The following FUCA2 variants were observed in gnomAD, a reference collection of about 807,000 sequenced individuals.
FUCA2 encodes alpha-L-fucosidase 2, also known as plasma alpha-L-fucosidase.
FUCA2 carries 41 observed loss-of-function variants against 52.6 expected under a neutral mutation model. That is an observed-to-expected ratio of 0.78 (90% CI 0.61 to 1.01). The LOEUF is 1.01. Ranked by LOEUF, FUCA2 falls within the 50% of genes least tolerant of loss-of-function variation. The pLI, the probability that FUCA2 is intolerant of heterozygous loss-of-function variation, is 0.00. For synonymous variants in FUCA2, 211 were observed against 217.3 expected, an observed-to-expected ratio of 0.97 and a Z score of 0.26; for missense variants, 507 against 569.5, an observed-to-expected ratio of 0.89 and a Z score of 1.12.
Position 143,502,643 on chromosome 6 carries a change from G to A in FUCA2, c.753-78C>T. The A allele has an allele frequency of 8.1e-7, 1 of 1,235,336 alleles. No homozygotes were observed. The highest frequency in any genetic ancestry group is 1.1e-6 in the Non-Finnish European group (1 of 872,480). The allele number at this position is 1,235,336 out of a possible 1,614,324, so 76.5% of individuals were successfully genotyped here. A position where few individuals can be genotyped will look rare whatever the true frequency, so the allele number is the denominator to read the frequency against. Reference sequence around the variant, plus strand: ...AAAAGAAATGTCACTGAAAAGACATGTAATTGAAATACAATTCTGAAAAGG... The same window carrying A: ...AAAAGAAATGTCACTGAAAAGACATATAATTGAAATACAATTCTGAAAAGG... On this transcript the variant is annotated intron_variant, in intron 3 of 6. Transcript: ENST00000002165. The surrounding 1 kb of genome is among the most constrained non-coding windows in gnomAD (Gnocchi z 4.1).
chr6:143,506,533 G>A (rs1463030708), intron 2 of FUCA2: 1 of 152,032 alleles, frequency 6.6e-6, no homozygotes, highest in Non-Finnish European at 1.5e-5. Context: ...TCATGCAAAA[G>A]AAACTAATGA....
At position 143,502,891 on chromosome 6, in the gene FUCA2, T is replaced by C. The variant is rs1584027614; in HGVS notation, c.753-326A>G. ...AGCACTCATAAGAGTATTATATGAA[T>C]ATTTTAAGCTCCCTTCCATATTGTA... On this transcript the variant is annotated intron_variant, in intron 3 of 6. Transcript: ENST00000002165. This position sits in a 1 kb window ranked among gnomAD's most constrained non-coding sequence, Gnocchi z 4.1. 5.1e-6 allele frequency: 1 copy of C among 194,768 alleles called. No individual in the cohort carries two copies. Among genetic ancestry groups the C allele is most frequent in the East Asian group, 1.2e-4 (1 of 8,180 alleles). 12.1% of individuals were successfully genotyped at this position (194,768 alleles called of 1,614,324 possible). A position where few individuals can be genotyped will look rare whatever the true frequency, so the allele number is the denominator to read the frequency against.
rs1229612296 is a variant in FUCA2, at chr6:143,501,815, C to G, written c.1154+117G>C. 2 of 849,788 alleles carry G rather than the reference C, an allele frequency of 2.4e-6. No individual in the cohort carries two copies. Among genetic ancestry groups the G allele is most frequent in the Non-Finnish European group, 3.5e-6 (2 of 566,308 alleles). The allele number at this position is 849,788 out of a possible 1,614,324, so 52.6% of individuals were successfully genotyped here. ...TAGAGTAAGCAAAGTTTGGAAAGTG[C>G]TTTGTATATGTAGGAATTCATCCAA... On this transcript the variant is annotated intron_variant, in intron 5 of 6. Coordinates refer to ENST00000002165, the MANE Select transcript of FUCA2 (RefSeq NM_032020.5). This position sits in a 1 kb window ranked among gnomAD's most constrained non-coding sequence, Gnocchi z 6.1.
chr6:143,504,235 A>AC lies in FUCA2; in HGVS notation c.429dup (p.Ser144ValfsTer12). On this transcript the variant is annotated frameshift_variant, in exon 3 of 7. Coordinates refer to ENST00000002165, the MANE Select transcript of FUCA2 (RefSeq NM_032020.5). LOFTEE classifies it high-confidence loss of function. This position sits in a 1 kb window ranked among gnomAD's most constrained non-coding sequence, Gnocchi z 4.4. Reference sequence around the variant, plus strand: ...GCATTCCAGTTCCACGAATATTCTGACCCCCACAAGGTAAAGCCTAGAAAA... The same window carrying AC: ...GCATTCCAGTTCCACGAATATTCTGACCCCCCACAAGGTAAAGCCTAGAAAA... 6.2e-7 allele frequency: 1 copy of AC among 1,613,186 alleles called. No individual in the cohort carries two copies.
Position 143,502,647 on chromosome 6 carries a change from T to C in FUCA2, c.753-82A>G, listed in dbSNP as rs937194978. ...GAAATGTCACTGAAAAGACATGTAATTGAAATACAATTCTGAAAAGGGACC... is the reference window on the plus strand; with the variant it reads ...GAAATGTCACTGAAAAGACATGTAACTGAAATACAATTCTGAAAAGGGACC... On this transcript the variant is annotated intron_variant, in intron 3 of 6. Coordinates refer to ENST00000002165, the MANE Select transcript of FUCA2 (RefSeq NM_032020.5). The surrounding 1 kb of genome is among the most constrained non-coding windows in gnomAD (Gnocchi z 4.1). The C allele has an allele frequency of 1.5e-5, 18 of 1,206,536 alleles. No homozygotes were observed. The highest frequency in any genetic ancestry group is 2.1e-5 in the Non-Finnish European group (18 of 849,800). The allele number at this position is 1,206,536 out of a possible 1,614,324, so 74.7% of individuals were successfully genotyped here.
At chr6:143,496,589 CA>C (rs1780463545) in intron 6 of FUCA2, 1 of 152,092 alleles carries the variant, frequency 6.6e-6, no homozygotes, top group Non-Finnish European at 1.5e-5. Flanking sequence ...AGTTCACCTC[CA>C]AAGGGATAAT....
rs1271041296 is a variant in FUCA2, at chr6:143,509,095, T to G, written c.225-1671A>C. ...GGACATTCAGAAAGTTGAACAAGAA[T>G]AAGGAATTTCTCCTAGCATCATCTA... is the stretch of plus-strand genomic sequence containing the variant. On this transcript the variant is annotated intron_variant, in intron 1 of 6. Transcript: ENST00000002165. This position sits in a 1 kb window ranked among gnomAD's most constrained non-coding sequence, Gnocchi z 5.4. 5.3e-5 allele frequency among the ~76,000 whole-genome samples: 8 copies of G among 152,132 alleles called. No homozygotes were observed. Among genetic ancestry groups the G allele is most frequent in the Non-Finnish European group, 1.2e-4 (8 of 68,000 alleles).
rs755472386 is a variant in FUCA2 at position 143,501,909 on chromosome 6, A to G, written c.1154+23T>C. 6.3e-7 allele frequency: 1 copy of G among 1,586,730 alleles called. No individual in the cohort carries two copies. The highest frequency in any genetic ancestry group is 8.6e-7 in the Non-Finnish European group (1 of 1,161,276). On this transcript the variant is annotated intron_variant, in intron 5 of 6. Transcript: ENST00000002165. The surrounding 1 kb of genome is among the most constrained non-coding windows in gnomAD (Gnocchi z 6.1). ...TAAATCTCTTCCTTTATAAAAGAGT[A>G]CTTGGTAACAAGAATGACTTACCAC...
In FUCA2 at chr6:143,507,228, T is replaced by A. The variant is rs79981077; in HGVS notation, c.412+9A>T. The A allele has an allele frequency of 6.4e-7, 1 of 1,571,250 alleles. No individual in the cohort carries two copies. ...TTGTCAGCAATTTCCATAGGCTGGA[T>A]TGACTTACCTTCATGATGTTTGGAA... On this transcript the variant is annotated intron_variant, in intron 2 of 6. Coordinates refer to ENST00000002165, the MANE Select transcript of FUCA2 (RefSeq NM_032020.5). The surrounding 1 kb of genome is among the most constrained non-coding windows in gnomAD (Gnocchi z 4.5).
Position 143,511,567 on chromosome 6 carries a change from G to GGCGGCAGCAGCAGCA in FUCA2, c.53_67dup (p.Leu18_Pro22dup). The GGCGGCAGCAGCAGCA allele has an allele frequency of 6.4e-7, 1 of 1,563,658 alleles. No homozygotes were observed. Among genetic ancestry groups the GGCGGCAGCAGCAGCA allele is most frequent in the Non-Finnish European group, 8.7e-7 (1 of 1,154,428 alleles). On this transcript the variant is annotated inframe_insertion, in exon 1 of 7. Transcript: ENST00000002165. The surrounding 1 kb of genome is among the most constrained non-coding windows in gnomAD (Gnocchi z 6.3). Reference sequence around the variant, plus strand: ...GGCGCTGTGGGCAGGGCACGGCGGCGGCGGCAGCAGCAGCAACAGCAACAG... The same window carrying GGCGGCAGCAGCAGCA: ...GGCGCTGTGGGCAGGGCACGGCGGCGGCGGCAGCAGCAGCAGCGGCAGCAGCAGCAACAGCAACAG...
chr6:143,501,962 G>T lies in FUCA2; in HGVS notation c.1124C>A (p.Ser375Tyr), dbSNP rs1780532429. 2 of 1,613,550 alleles carry T rather than the reference G, an allele frequency of 1.2e-6. No homozygotes were observed. The highest frequency in any genetic ancestry group is 2.7e-5 in the African/African-American group (2 of 74,824). Residue 375 changes from serine (S) to tyrosine (Y), a missense_variant, in exon 5 of 7, where the codon TCC (serine) becomes TAC (tyrosine). By Grantham distance (144) the Ser-to-Tyr change is moderately radical (BLOSUM62 -2). Coordinates refer to ENST00000002165, the MANE Select transcript of FUCA2 (RefSeq NM_032020.5). This position sits in a 1 kb window ranked among gnomAD's most constrained non-coding sequence, Gnocchi z 6.1. ...ATCTGGGGTGACAGTGTCATTCTGG[G>T]ATCGCCAGGTATGGGTTTCATAAAT... ...EAIYETHTWR[S>Y]QNDTVTPDVW...
In FUCA2 at chr6:143,503,975, G is replaced by T. The variant is rs377166178; in HGVS notation, c.690C>A (p.Asp230Glu). ...YQPEVLWSDG[D>E]GGAPDQYWNS... ...TCCAGTATTGATCCGGTGCTCCTCC[G>T]TCACCATCCGACCACAGAACCTCAG... The change falls in exon 3 of 7, where the codon GAC (aspartate) becomes GAA (glutamate). Residue 230 changes from aspartate (D) to glutamate (E), a missense_variant. Coordinates refer to ENST00000002165, the MANE Select transcript of FUCA2 (RefSeq NM_032020.5). The surrounding 1 kb of genome is among the most constrained non-coding windows in gnomAD (Gnocchi z 4.8). The T allele has an allele frequency of 1.9e-6, 3 of 1,614,074 alleles. No individual in the cohort carries two copies. The highest frequency in any genetic ancestry group is 2.5e-6 in the Non-Finnish European group (3 of 1,180,020).
chr6:143,502,299 A>G lies in FUCA2; in HGVS notation c.963+56T>C. On this transcript the variant is annotated intron_variant, in intron 4 of 6. Transcript: ENST00000002165. This position sits in a 1 kb window ranked among gnomAD's most constrained non-coding sequence, Gnocchi z 4.1. ...TTGAGCCATAGAAGAAATAATTCCT[A>G]CATGACCACACTATTAAGAATATTA... is the stretch of plus-strand genomic sequence containing the variant. 6.5e-7 allele frequency: 1 copy of G among 1,529,568 alleles called. No individual in the cohort carries two copies. The highest frequency in any genetic ancestry group is 9.0e-7 in the Non-Finnish European group (1 of 1,115,600). 94.7% of individuals were successfully genotyped at this position (1,529,568 alleles called of 1,614,324 possible). A position where few individuals can be genotyped will look rare whatever the true frequency, so the allele number is the denominator to read the frequency against.
At position 143,511,371 on chromosome 6, in the gene FUCA2, A is replaced by C. The variant is rs1277080376; in HGVS notation, c.224+40T>G. The C allele has an allele frequency of 6.5e-7, 1 of 1,547,464 alleles. No homozygotes were observed. Among genetic ancestry groups the C allele is most frequent in the East Asian group, 2.4e-5 (1 of 41,672 alleles). On this transcript the variant is annotated intron_variant, in intron 1 of 6. Transcript: ENST00000002165. This position sits in a 1 kb window ranked among gnomAD's most constrained non-coding sequence, Gnocchi z 6.3. ...TGGTGGCTGGAGGCTGCGGGTGGGG[A>C]CAAAAGCGCGGCAGACGAGACAAAA... is the stretch of plus-strand genomic sequence containing the variant.
rs1192901136 is a variant in FUCA2 at position 143,507,781 on chromosome 6, C to T, written c.225-357G>A. 1.3e-5 allele frequency among the ~76,000 whole-genome samples: 2 copies of T among 152,060 alleles called. No individual in the cohort carries two copies. The highest frequency in any genetic ancestry group is 2.1e-4 in the South Asian group (1 of 4,822). On this transcript the variant is annotated intron_variant, in intron 1 of 6. Transcript: ENST00000002165. This position sits in a 1 kb window ranked among gnomAD's most constrained non-coding sequence, Gnocchi z 4.5. ...ACCTCCTGTGCTCAAGCAATCCTCTCGCCTTAGCCTCCTGAGTAGCTAGGA... is the reference window on the plus strand; with the variant it reads ...ACCTCCTGTGCTCAAGCAATCCTCTTGCCTTAGCCTCCTGAGTAGCTAGGA...
At position 143,509,473 on chromosome 6, in the gene FUCA2, A is replaced by T. The variant is rs73580355; in HGVS notation, c.224+1938T>A. On this transcript the variant is annotated intron_variant, in intron 1 of 6. Transcript: ENST00000002165. The surrounding 1 kb of genome is among the most constrained non-coding windows in gnomAD (Gnocchi z 5.4). ...AATGAAGTTATTCATAGCAAAGAATAAAATGACTCAAAACTAGCTGTTTTA... is the reference window on the plus strand; with the variant it reads ...AATGAAGTTATTCATAGCAAAGAATTAAATGACTCAAAACTAGCTGTTTTA... 0.015 allele frequency among the ~76,000 whole-genome samples: 2,218 copies of T among 152,362 alleles called. 57 individuals carry two copies. The highest frequency in any genetic ancestry group is 0.051 in the African/African-American group (2,126 of 41,574).
At position 143,511,077 on chromosome 6, in the gene FUCA2, T is replaced by C. The variant is rs1780675996; in HGVS notation, c.224+334A>G. Among the ~76,000 whole-genome samples, 1 of 152,202 alleles carries C rather than the reference T, an allele frequency of 6.6e-6. No individual in the cohort carries two copies. The highest frequency in any genetic ancestry group is 2.1e-4 in the South Asian group (1 of 4,830). On this transcript the variant is annotated intron_variant, in intron 1 of 6. Coordinates refer to ENST00000002165, the MANE Select transcript of FUCA2 (RefSeq NM_032020.5). The surrounding 1 kb of genome is among the most constrained non-coding windows in gnomAD (Gnocchi z 6.3). ...TGAGTCACCGCTCGTGTGATGCCCC[T>C]GCACAAACTGATGAATGTCTGTAGT...
intron 5 of FUCA2, among the ~76,000 whole-genome samples, chr6:143,498,711 G>C (rs558914607): frequency 7.8e-4 from 118 of 152,154 alleles, no homozygotes; most frequent in Non-Finnish European, 1.3e-3. Context: ...CCTTCTCTCT[G>C]AGACTGGAAG....
chr6:143,500,463 G>A lies in FUCA2; in HGVS notation c.1154+1469C>T, dbSNP rs185149217. On this transcript the variant is annotated intron_variant, in intron 5 of 6. Coordinates refer to ENST00000002165, the MANE Select transcript of FUCA2 (RefSeq NM_032020.5). This position sits in a 1 kb window ranked among gnomAD's most constrained non-coding sequence, Gnocchi z 6.9. ...GGAAGTTAAGGACACCAAGGTTTTT[G>A]GCCTGACAACCACCTAAAGGATAAA... 1.3e-5 allele frequency among the ~76,000 whole-genome samples: 2 copies of A among 152,184 alleles called. No homozygotes were observed. The highest frequency in any genetic ancestry group is 1.3e-4 in the Admixed American group (2 of 15,284).
Sources: gnomAD v4.1 joint callset for allele counts (sites outside exome capture counted in the v4.1 genomes callset) on GRCh38, gnomAD v4.1.1 for gene constraint, Gnocchi (gnomAD v3.1) non-coding constraint, MANE v1.5 for transcripts, NCBI Gene and HGNC (gene_info 2026-07-23, HGNC 2026-07-21) for gene names.